The following UBE2D2 variants were observed in gnomAD, a reference collection of about 807,000 sequenced individuals.
The protein encoded by UBE2D2 is ubiquitin conjugating enzyme E2 D2, also known as ubiquitin-conjugating enzyme E2 D2.
UBE2D2 carries 2 observed loss-of-function variants against 24.2 expected under a neutral mutation model. The ratio of observed to expected loss-of-function variants is 0.08; its 90% CI spans 0.03 to 0.26. UBE2D2 has a LOEUF of 0.26. Ranked by LOEUF, UBE2D2 falls within the 10% of genes least tolerant of loss-of-function variation. UBE2D2 has a pLI of 1.00. For synonymous variants in UBE2D2, 58 were observed against 56.5 expected (o/e 1.03, Z -0.12); for missense variants, 44 against 177.6 (o/e 0.25, Z 4.28).
intron 1 of UBE2D2, among the ~76,000 whole-genome samples, chr5:139,551,483 CTG>C (rs1252320437): frequency 1.3e-5 from 2 of 152,182 alleles, no homozygotes; most frequent in Non-Finnish European, 2.9e-5. Flanking sequence ...GACTGTAGTT[CTG>C]TGACATACCA....
At chr5:139,532,340 G>A (rs895829104) in intron 1 of UBE2D2, among the ~76,000 whole-genome samples, 1 of 148,836 alleles carries the variant, frequency 6.7e-6, no homozygotes, top group South Asian at 2.1e-4. Context: ...AACAACTCCC[G>A]GCTAGTTTTC....
chr5:139,578,912 A>G (rs574871795), intron 1 of UBE2D2, among the ~76,000 whole-genome samples: 51 of 152,366 alleles, frequency 3.3e-4, no homozygotes, highest in Admixed American at 2.0e-3. Context: ...AATTAAGCTG[A>G]CATGCCATTG....
chr5:139,562,463 T>G, intron 1 of UBE2D2: 1 of 1,279,352 alleles, frequency 7.8e-7, no homozygotes, highest in Non-Finnish European at 1.0e-6. Flanking sequence ...TCCTTGAGGT[T>G]GCTGTATGTA....
intron 1 of UBE2D2, among the ~76,000 whole-genome samples, chr5:139,568,785 A>G (rs1753294558): frequency 6.6e-6 from 1 of 152,174 alleles, no homozygotes; most frequent in African/African-American, 2.4e-5. Flanking sequence ...AGCCTAGTCA[A>G]GATGGTGAAA....
At chr5:139,579,816 G>A (rs13360691) in intron 1 of UBE2D2, among the ~76,000 whole-genome samples, 446 of 152,052 alleles carry the variant, frequency 2.9e-3, no homozygotes, top group African/African-American at 0.01. Context: ...GGAAGGCCGC[G>A]GTGGGCAGAT....
chr5:139,581,527 G>A (rs1020493600), intron 1 of UBE2D2, among the ~76,000 whole-genome samples: 4 of 151,650 alleles, frequency 2.6e-5, no homozygotes, highest in South Asian at 4.2e-4. Context: ...GAATTTTTTC[G>A]GATTTTGGAA....
chr5:139,526,845 A>T (rs1247949602), intron 1 of UBE2D2, among the ~76,000 whole-genome samples: 1 of 152,154 alleles, frequency 6.6e-6, no homozygotes, highest in Non-Finnish European at 1.5e-5. Context: ...ATTGCTGGAT[A>T]CTTTAGTTTT....
intron 1 of UBE2D2, among the ~76,000 whole-genome samples, chr5:139,546,817 T>TCTTTCTTTCTTCCTTC (rs1203962652): frequency 1.6e-4 from 22 of 138,300 alleles, no homozygotes; most frequent in Non-Finnish European, 2.9e-4. Flanking sequence ...CTTCTTTCTT[T>TCTTTCTTTCTTCCTTC]CTTCCTTCCT....
chr5:139,555,266 C>G (rs984175902), intron 1 of UBE2D2, among the ~76,000 whole-genome samples: 2 of 152,064 alleles, frequency 1.3e-5, no homozygotes, highest in African/African-American at 4.8e-5. Context: ...GTCTCGAACT[C>G]CTGAGGTCAA....
intron 1 of UBE2D2, among the ~76,000 whole-genome samples, chr5:139,538,868 T>G (rs1418292174): frequency 8.2e-6 from 1 of 122,092 alleles, no homozygotes; most frequent in African/African-American, 3.0e-5. Flanking sequence ...AAAATCCATC[T>G]AAAAAAAAAA....
rs963752060 is a variant in UBE2D2, at chr5:139,579,154, T to A, written c.24+17339T>A. ...AGCTAATTTTTGTATTTTAATTTTT[T>A]AAATTTTTTTGAGATGGAGTTACGC... On this transcript the variant is annotated intron_variant, in intron 1 of 6. Coordinates refer to ENST00000398733, the MANE Select transcript of UBE2D2 (RefSeq NM_003339.3). Among the ~76,000 whole-genome samples the A allele has an allele frequency of 5.3e-5, 8 of 152,114 alleles. No individual in the cohort carries two copies. The South Asian group carries it at 8.3e-4, about 16-fold the overall frequency.
chr5:139,581,448 C>CA lies in UBE2D2; in HGVS notation c.25-18913dup, dbSNP rs879352302. Among the ~76,000 whole-genome samples the CA allele has an allele frequency of 4.5e-3, 636 of 142,150 alleles. 4 individuals are homozygous for CA. Among genetic ancestry groups the CA allele is most frequent in the African/African-American group, 0.014 (530 of 38,956 alleles). The allele number at this position is 142,150 out of a possible 152,430, so 93.3% of individuals were successfully genotyped here. On this transcript the variant is annotated intron_variant, in intron 1 of 6. Transcript: ENST00000398733. ...TGGGTGACAGAGCAAGACTCCGTCT[C>CA]AAAAAAAAAAAGTAGAGGTTGAGCA...
chr5:139,589,035 C>T (rs894512760), intron 1 of UBE2D2, among the ~76,000 whole-genome samples: 7 of 152,158 alleles, frequency 4.6e-5, no homozygotes, highest in African/African-American at 1.7e-4. Flanking sequence ...CTGAAGCTAT[C>T]CTCCCTTGGC....
At chr5:139,596,018 C>T (rs745654836) in intron 1 of UBE2D2, among the ~76,000 whole-genome samples, 43 of 150,490 alleles carry the variant, frequency 2.9e-4, no homozygotes, top group African/African-American at 1.0e-3. Context: ...CTCAGCCTCC[C>T]GAGTAGCTGG....
At chr5:139,540,415 G>A (rs1752741276) in intron 1 of UBE2D2, among the ~76,000 whole-genome samples, 2 of 151,602 alleles carry the variant, frequency 1.3e-5, no homozygotes, top group East Asian at 1.9e-4. Context: ...GTGTTGTGGC[G>A]GGCGCCTGTA....
chr5:139,601,682 G>C (rs933126636), intron 2 of UBE2D2, among the ~76,000 whole-genome samples: 1 of 152,032 alleles, frequency 6.6e-6, no homozygotes, highest in East Asian at 1.9e-4. Flanking sequence ...AGGCCGAGGC[G>C]GGCGGATCAC....
chr5:139,611,246 G>A (rs1317429362), intron 2 of UBE2D2, among the ~76,000 whole-genome samples: 2 of 128,338 alleles, frequency 1.6e-5, no homozygotes, highest in African/African-American at 5.9e-5. Flanking sequence ...GAGTGCAATG[G>A]TGCAATCTCA....
At chr5:139,621,143 T>A (rs1278851017) in intron 5 of UBE2D2, among the ~76,000 whole-genome samples, 2 of 152,048 alleles carry the variant, frequency 1.3e-5, no homozygotes, top group African/African-American at 4.8e-5. Context: ...ACCTGGAGAG[T>A]GAGGTGGGAG....
chr5:139,551,907 T>C (rs1752924773), intron 1 of UBE2D2, among the ~76,000 whole-genome samples: 1 of 152,212 alleles, frequency 6.6e-6, no homozygotes, highest in Admixed American at 6.5e-5. Context: ...TACTTAGCAA[T>C]TTCAATGAAG....
Sources: gnomAD v4.1 joint callset for allele counts (sites outside exome capture counted in the v4.1 genomes callset) on GRCh38, gnomAD v4.1.1 for gene constraint, MANE v1.5 for transcripts, NCBI Gene and HGNC (gene_info 2026-07-23, HGNC 2026-07-21) for gene names.